LRRC4C: variants seen among roughly 807,000 people sequenced by gnomAD.
LRRC4C encodes leucine rich repeat containing 4C, also known as leucine-rich repeat-containing protein 4C.
In LRRC4C, 5 loss-of-function variants were observed where a neutral mutation model predicts 33.6. That is an observed-to-expected ratio of 0.15 (90% CI 0.08 to 0.31). LRRC4C has a LOEUF of 0.31. Among genes scored for constraint, LRRC4C ranks in the 10% least tolerant of loss-of-function variants. The pLI is 1.00. For missense variants in LRRC4C, 560 were observed against 796.7 expected, an observed-to-expected ratio of 0.70 and a Z score of 3.58; for synonymous variants, 329 against 302.0, an observed-to-expected ratio of 1.09 and a Z score of -0.93.
intron 2 of LRRC4C, among the ~76,000 whole-genome samples, chr11:40,700,869 T>TTG (rs1159755977): frequency 6.6e-6 from 1 of 152,222 alleles, no homozygotes; most frequent in Non-Finnish European, 1.5e-5. Flanking sequence ...AGTACTATTT[T>TTG]TGTTTATTCA....
chr11:41,418,610 G>T (rs923057424), intron 1 of LRRC4C, among the ~76,000 whole-genome samples: 3 of 152,010 alleles, frequency 2.0e-5, no homozygotes, highest in South Asian at 2.1e-4. Context: ...AGCTAGGGGG[G>T]TTGGTGAAAC....
At chr11:41,243,989 T>C (rs1251020634) in intron 1 of LRRC4C, among the ~76,000 whole-genome samples, 1 of 152,152 alleles carries the variant, frequency 6.6e-6, no homozygotes, top group African/African-American at 2.4e-5. Flanking sequence ...TGGTACAAAA[T>C]GGTTTCTCCA....
chr11:40,906,851 TA>T (rs1174954933), intron 2 of LRRC4C, among the ~76,000 whole-genome samples: 7 of 152,162 alleles, frequency 4.6e-5, no homozygotes, highest in Middle Eastern at 3.2e-3. Context: ...AAAGAAAAGA[TA>T]AAGTGTAAAA....
At chr11:40,459,324 C>A (rs1035394264) in intron 3 of LRRC4C, among the ~76,000 whole-genome samples, 1 of 152,182 alleles carries the variant, frequency 6.6e-6, no homozygotes, top group Non-Finnish European at 1.5e-5. Context: ...TTCATTGGCA[C>A]TCATTTGCAG....
chr11:40,875,706 C>T (rs959067954), intron 2 of LRRC4C, among the ~76,000 whole-genome samples: 17 of 152,066 alleles, frequency 1.1e-4, no homozygotes, highest in Admixed American at 1.1e-3. Context: ...AGTCCCAAAC[C>T]TTTTTGGCTC....
chr11:41,171,533 T>G (rs1230029162), intron 1 of LRRC4C, among the ~76,000 whole-genome samples: 1 of 140,136 alleles, frequency 7.1e-6, no homozygotes, highest in Non-Finnish European at 1.5e-5. Flanking sequence ...TTCTCACTCA[T>G]AGGTGGGAAT....
At chr11:40,356,307 G>A (rs896790240) in intron 3 of LRRC4C, among the ~76,000 whole-genome samples, 1 of 152,096 alleles carries the variant, frequency 6.6e-6, no homozygotes, top group African/African-American at 2.4e-5. Flanking sequence ...GAACACCTCC[G>A]ATGTTATGAT....
chr11:40,220,617 T>A (rs1050231668), intron 5 of LRRC4C, among the ~76,000 whole-genome samples: 5 of 152,256 alleles, frequency 3.3e-5, no homozygotes, highest in African/African-American at 1.2e-4. Flanking sequence ...AAGCAACAGT[T>A]TTCAAACTGA....
chr11:40,451,218 T>C (rs1019955574), intron 3 of LRRC4C, among the ~76,000 whole-genome samples: 2 of 150,946 alleles, frequency 1.3e-5, no homozygotes, highest in African/African-American at 4.9e-5. Flanking sequence ...TAGAAAAAAA[T>C]TAGTGCATCA....
intron 1 of LRRC4C, among the ~76,000 whole-genome samples, chr11:41,444,806 A>ATT (rs34560547): frequency 0.013 from 1,923 of 146,542 alleles, 54 homozygotes; most frequent in East Asian, 0.12. Flanking sequence ...GTCTAACTTA[A>ATT]TTTTTTTTTT....
chr11:41,183,370 C>T (rs1452700438), intron 1 of LRRC4C, among the ~76,000 whole-genome samples: 2 of 152,112 alleles, frequency 1.3e-5, no homozygotes, highest in Non-Finnish European at 2.9e-5. Context: ...TTCCTACATA[C>T]AATGGAGGTG....
intron 3 of LRRC4C, among the ~76,000 whole-genome samples, chr11:40,602,103 T>C (rs1054739582): frequency 4.1e-5 from 6 of 146,478 alleles, no homozygotes; most frequent in Non-Finnish European, 8.9e-5. Context: ...GCTGAGGCAG[T>C]AGAATCACTT....
At chr11:41,292,328 A>T in intron 1 of LRRC4C, among the ~76,000 whole-genome samples, 1 of 152,090 alleles carries the variant, frequency 6.6e-6, no homozygotes, top group East Asian at 1.9e-4. Flanking sequence ...ACTACTCTGC[A>T]GCCTGGATCC....
chr11:41,023,947 A>G (rs1856161303), intron 1 of LRRC4C, among the ~76,000 whole-genome samples: 1 of 151,818 alleles, frequency 6.6e-6, no homozygotes, highest in Non-Finnish European at 1.5e-5. Flanking sequence ...TTCATCATTT[A>G]TCTCCTGTTA....
chr11:40,931,804 A>G (rs535975744), intron 2 of LRRC4C, among the ~76,000 whole-genome samples: 2 of 152,244 alleles, frequency 1.3e-5, no homozygotes, highest in East Asian at 3.9e-4. Flanking sequence ...TGATTTTGAA[A>G]TGGTTTGTAG....
At chr11:41,174,253 A>T (rs910301893) in intron 1 of LRRC4C, among the ~76,000 whole-genome samples, 1 of 152,148 alleles carries the variant, frequency 6.6e-6, no homozygotes, top group African/African-American at 2.4e-5. Context: ...TTATCACTTA[A>T]GGTCCCTAAA....
At chr11:40,456,721 A>T (rs1031609638) in intron 3 of LRRC4C, among the ~76,000 whole-genome samples, 2 of 152,064 alleles carry the variant, frequency 1.3e-5, no homozygotes, top group African/African-American at 4.8e-5. Flanking sequence ...CTTATGTTAA[A>T]GAAAGCTTGG....
chr11:40,469,815 C>T (rs12224805), intron 3 of LRRC4C, among the ~76,000 whole-genome samples: 42,483 of 152,060 alleles, frequency 0.28, 6,433 homozygotes, highest in Non-Finnish European at 0.34. Context: ...GCTGCTGTAG[C>T]CAGACTGCCT....
chr11:40,963,197 T>C (rs959180010), intron 1 of LRRC4C, among the ~76,000 whole-genome samples: 6 of 151,794 alleles, frequency 4.0e-5, no homozygotes, highest in Non-Finnish European at 8.8e-5. Context: ...TGAAATTTCC[T>C]GCTATGTTAA....
Sources: allele counts gnomAD v4.1 joint callset (sites outside exome capture counted in the v4.1 genomes callset), GRCh38; gene constraint gnomAD v4.1.1; transcripts MANE v1.5; gene names NCBI Gene and HGNC (gene_info 2026-07-23, HGNC 2026-07-21).